Variants in SORCS3 observed in about 807,000 individuals in gnomAD.
SORCS3 encodes the protein VPS10 domain-containing receptor SorCS3.
SORCS3 carries 57 observed loss-of-function variants against 146.3 expected under a neutral mutation model. The ratio of observed to expected loss-of-function variants is 0.39; its 90% CI spans 0.31 to 0.49. SORCS3 has a LOEUF of 0.49. Ranked by LOEUF, SORCS3 falls within the 20% of genes least tolerant of loss-of-function variation. The pLI is 0.92. For synonymous variants in SORCS3, 653 were observed against 618.5 expected (o/e 1.06, Z -0.83); for missense variants, 1,341 against 1,575.5 (o/e 0.85, Z 2.52).
In SORCS3 at chr10:104,641,899, C is replaced by A. The variant is rs1164298113; in HGVS notation, c.572C>A (p.Thr191Asn). 2 of 1,597,128 alleles carry A rather than the reference C, an allele frequency of 1.3e-6. No homozygotes were observed. The highest frequency in any genetic ancestry group is 2.3e-5 in the East Asian group (1 of 44,412). ...CTGCCCAGCACCTCCTTCGCGCTGA[C>A]CGGGGACTCGGCCCACAACCAAGCC... ...LRLPSTSFAL[T>N]GDSAHNQAMV... Residue 191 changes from threonine to asparagine, a missense_variant, in exon 1 of 27, where the codon ACC becomes AAC. Thr to Asn is a moderately conservative substitution (Grantham distance 65). Coordinates refer to ENST00000369701, the MANE Select transcript of SORCS3 (RefSeq NM_014978.3). The surrounding 1 kb of genome is among the most constrained non-coding windows in gnomAD (Gnocchi z 6.4).
intron 7 of SORCS3, among the ~76,000 whole-genome samples, chr10:105,136,984 T>C (rs1430390283): frequency 6.6e-6 from 1 of 152,248 alleles, no homozygotes; most frequent in Non-Finnish European, 1.5e-5. Context: ...CTAATAGACA[T>C]GGGAGGATGA....
intron 4 of SORCS3, among the ~76,000 whole-genome samples, chr10:104,996,444 A>G (rs144925021): frequency 2.0e-5 from 3 of 152,318 alleles, no homozygotes; most frequent in East Asian, 3.9e-4. Context: ...ATTCCTAAAC[A>G]TTGCGTAAAC....
At chr10:104,985,976 G>A (rs1036782125) in intron 4 of SORCS3, among the ~76,000 whole-genome samples, 22 of 152,156 alleles carry the variant, frequency 1.4e-4, no homozygotes, top group Non-Finnish European at 1.0e-4. Context: ...TCATAAGTGA[G>A]CATTGACTTC....
chr10:104,688,239 G>A (rs181890761), intron 1 of SORCS3, among the ~76,000 whole-genome samples: 3 of 152,332 alleles, frequency 2.0e-5, no homozygotes, highest in South Asian at 2.1e-4. Context: ...GCAGGGTTGT[G>A]GGGGCAAGGA....
At chr10:105,045,037 A>AAAAAGAAAGAAAGAAAG (rs2055361492) in intron 5 of SORCS3, among the ~76,000 whole-genome samples, 9 of 128,838 alleles carry the variant, frequency 7.0e-5, no homozygotes, top group African/African-American at 2.5e-4. Context: ...AAAAAAAAAA[A>AAAAAGAAAGAAAGAAAG]AAAAGAAAGA....
chr10:105,235,997 A>T (rs972029088), intron 20 of SORCS3, among the ~76,000 whole-genome samples: 1 of 152,266 alleles, frequency 6.6e-6, no homozygotes, highest in Admixed American at 6.5e-5. Context: ...ATTAGAACTT[A>T]TATTTAGCAT....
At chr10:105,010,537 A>C (rs1398596096) in intron 4 of SORCS3, among the ~76,000 whole-genome samples, 2 of 152,234 alleles carry the variant, frequency 1.3e-5, no homozygotes, top group Non-Finnish European at 2.9e-5. Flanking sequence ...TATAGCTTTA[A>C]GTTGTGCTCT....
intron 1 of SORCS3, among the ~76,000 whole-genome samples, chr10:104,734,376 A>T (rs2016744657): frequency 6.6e-6 from 1 of 152,254 alleles, no homozygotes; most frequent in African/African-American, 2.4e-5. Context: ...AGCAAAGGGC[A>T]GAGAAAGCAA....
At chr10:104,863,183 C>A (rs966506641) in intron 2 of SORCS3, among the ~76,000 whole-genome samples, 2 of 152,176 alleles carry the variant, frequency 1.3e-5, no homozygotes, top group Non-Finnish European at 2.9e-5. Flanking sequence ...AGGAGTTTCT[C>A]AGCTGGAAGC....
At chr10:105,236,699 G>GT (rs1468371738) in intron 20 of SORCS3, among the ~76,000 whole-genome samples, 1 of 152,124 alleles carries the variant, frequency 6.6e-6, no homozygotes, top group Non-Finnish European at 1.5e-5. Flanking sequence ...ATGCCATGCA[G>GT]TGTCTGATAG....
At chr10:104,814,661 T>C (rs2017777199) in intron 1 of SORCS3, among the ~76,000 whole-genome samples, 1 of 152,216 alleles carries the variant, frequency 6.6e-6, no homozygotes, top group Non-Finnish European at 1.5e-5. Context: ...ATTGTCATAA[T>C]ATGTTTACAC....
chr10:105,043,027 C>G, intron 4 of SORCS3, 28 bp from the exon 5 acceptor site: 1 of 1,600,674 alleles, frequency 6.2e-7, no homozygotes, highest in Non-Finnish European at 8.6e-7. Flanking sequence ...TTCCTTGAGA[C>G]TTACATTCTC....
intron 1 of SORCS3, among the ~76,000 whole-genome samples, chr10:104,645,899 T>C (rs1042959048): frequency 6.6e-6 from 1 of 152,172 alleles, no homozygotes; most frequent in Non-Finnish European, 1.5e-5. Flanking sequence ...TTTGGCTGGA[T>C]TGCTTGTCTT....
At chr10:104,976,612 A>T (rs1355401640) in intron 3 of SORCS3, among the ~76,000 whole-genome samples, 1 of 152,140 alleles carries the variant, frequency 6.6e-6, no homozygotes, top group Non-Finnish European at 1.5e-5. Context: ...ACATGCACAC[A>T]TATGTTTATT....
chr10:105,160,516 A>G (rs2056253283), intron 11 of SORCS3, among the ~76,000 whole-genome samples: 1 of 152,148 alleles, frequency 6.6e-6, no homozygotes, highest in African/African-American at 2.4e-5. Context: ...AGTCCCACCT[A>G]CTAGGGAGGC....
intron 3 of SORCS3, among the ~76,000 whole-genome samples, chr10:104,947,472 C>T (rs1377520624): frequency 6.6e-6 from 1 of 152,142 alleles, no homozygotes; most frequent in Non-Finnish European, 1.5e-5. Flanking sequence ...AGCACAAAGG[C>T]TCTCTGAACA....
At chr10:105,131,380 A>G (rs1005859277) in intron 7 of SORCS3, among the ~76,000 whole-genome samples, 5 of 152,152 alleles carry the variant, frequency 3.3e-5, no homozygotes, top group African/African-American at 1.2e-4. Flanking sequence ...ATAATATTCG[A>G]TACAGCACAA....
rs193012347 is a variant in SORCS3 at position 104,884,435 on chromosome 10, C to T, written c.696-31398C>T. Among the ~76,000 whole-genome samples the T allele has an allele frequency of 3.4e-3, 512 of 152,220 alleles. 2 individuals are homozygous for T. Among genetic ancestry groups the T allele is most frequent in the South Asian group, 0.018 (88 of 4,820 alleles). ...CATATGTTATGTCAGAGACTTTTAGCGTTATATACAGTACTGTAAAGTTCA... is the reference window on the plus strand; with the variant it reads ...CATATGTTATGTCAGAGACTTTTAGTGTTATATACAGTACTGTAAAGTTCA... On this transcript the variant is annotated intron_variant, in intron 2 of 26. Coordinates refer to ENST00000369701, the MANE Select transcript of SORCS3 (RefSeq NM_014978.3).
intron 22 of SORCS3, 34 bp downstream of exon 22, chr10:105,247,365 GAAT>G (rs1564795105): frequency 7.9e-7 from 1 of 1,272,090 alleles, no homozygotes; most frequent in Non-Finnish European, 1.1e-6. Context: ...AAGTTCTTGT[GAAT>G]AAAGAAAAGA....
Sources: gnomAD v4.1 joint callset for allele counts (sites outside exome capture counted in the v4.1 genomes callset) on GRCh38, gnomAD v4.1.1 for gene constraint, Gnocchi (gnomAD v3.1) non-coding constraint, MANE v1.5 for transcripts, NCBI Gene and HGNC (gene_info 2026-07-23, HGNC 2026-07-21) for gene names.